ADARB2: variants seen among roughly 807,000 people sequenced by gnomAD.
ADARB2 encodes the protein adenosine deaminase RNA specific B2 (inactive), also known as inactive double-stranded RNA-specific editase B2.
A neutral mutation model predicts 62.2 loss-of-function variants in ADARB2; 25 were observed. The ratio of observed to expected loss-of-function variants is 0.40; its 90% CI spans 0.29 to 0.56. The LOEUF (loss-of-function observed/expected upper bound fraction) is 0.56. Among genes scored for constraint, ADARB2 ranks in the 20% least tolerant of loss-of-function variants. The pLI, the probability that ADARB2 is intolerant of heterozygous loss-of-function variation, is 0.43. For missense variants in ADARB2, 1,071 were observed against 1,077.4 expected, an observed-to-expected ratio of 0.99 and a Z score of 0.08; for synonymous variants, 572 against 500.8, an observed-to-expected ratio of 1.14 and a Z score of -1.90.
chr10:1,508,134 G>T (rs541591633), intron 1 of ADARB2, among the ~76,000 whole-genome samples: 1 of 152,120 alleles, frequency 6.6e-6, no homozygotes, highest in Non-Finnish European at 1.5e-5. Flanking sequence ...AGCAGCACAC[G>T]GCCAGCGAGA....
chr10:1,188,033 G>A (rs1172318118), intron 8 of ADARB2: 1 of 169,238 alleles, frequency 5.9e-6, no homozygotes. Flanking sequence ...CAATATCCAA[G>A]CCTGTCCATG....
intron 6 of ADARB2, among the ~76,000 whole-genome samples, chr10:1,227,930 T>TTGATGA (rs578216860): frequency 6.6e-6 from 1 of 152,172 alleles, no homozygotes; most frequent in East Asian, 1.9e-4. Flanking sequence ...CCATATTTGA[T>TTGATGA]TGATGATGAT....
At chr10:1,216,280 G>C (rs1194483176) in intron 7 of ADARB2, 1 of 151,906 alleles carries the variant, frequency 6.6e-6, no homozygotes, top group East Asian at 1.9e-4. Flanking sequence ...GCCAAGGTAG[G>C]GGGAGGTCTC....
intron 1 of ADARB2, among the ~76,000 whole-genome samples, chr10:1,442,225 G>A (rs1387673480): frequency 6.6e-6 from 1 of 152,164 alleles, no homozygotes; most frequent in Non-Finnish European, 1.5e-5. Context: ...AACCCCTTCT[G>A]GGGAAGATCA....
At position 1,278,021 on chromosome 10, in the gene ADARB2, C is replaced by T. The variant is rs111795792; in HGVS notation, c.1078-6952G>A. On this transcript the variant is annotated intron_variant, in intron 3 of 9. Transcript: ENST00000381312. ...GTCTAGTTCTGTCACCCAGGCTGGA[C>T]CTCAGTGGCATGATCTCGGCTCACT... 2.9e-3 allele frequency among the ~76,000 whole-genome samples: 440 copies of T among 151,960 alleles called. 1 individual carries two copies. Among genetic ancestry groups the T allele is most frequent in the African/African-American group, 9.7e-3 (403 of 41,448 alleles).
intron 1 of ADARB2, among the ~76,000 whole-genome samples, chr10:1,712,833 T>C (rs963123906): frequency 6.6e-6 from 1 of 151,932 alleles, no homozygotes; most frequent in Admixed American, 6.6e-5. Flanking sequence ...ATGGTCTTAA[T>C]CTCCTGACCT....
intron 1 of ADARB2, among the ~76,000 whole-genome samples, chr10:1,384,756 A>G (rs968208060): frequency 4.6e-5 from 7 of 152,178 alleles, no homozygotes; most frequent in African/African-American, 1.7e-4. Flanking sequence ...CACTGCTGAG[A>G]CAACTAGAAT....
chr10:1,555,465 A>G (rs1687472062), intron 1 of ADARB2, among the ~76,000 whole-genome samples: 2 of 152,192 alleles, frequency 1.3e-5, no homozygotes, highest in African/African-American at 4.8e-5. Context: ...AGTGGGGGCT[A>G]ATGAAGTTTC....
intron 1 of ADARB2, among the ~76,000 whole-genome samples, chr10:1,582,968 G>T (rs1217771004): frequency 6.6e-6 from 1 of 152,234 alleles, no homozygotes; most frequent in Admixed American, 6.5e-5. Context: ...CCTCCCTGGT[G>T]CATGGGCTGA....
chr10:1,549,951 G>T (rs1348557657), intron 1 of ADARB2, among the ~76,000 whole-genome samples: 1 of 152,156 alleles, frequency 6.6e-6, no homozygotes, highest in Non-Finnish European at 1.5e-5. Flanking sequence ...CTGTTAATAT[G>T]CAATACAAGC....
intron 1 of ADARB2, among the ~76,000 whole-genome samples, chr10:1,649,156 T>C (rs998667090): frequency 4.5e-4 from 68 of 152,216 alleles, no homozygotes; most frequent in African/African-American, 1.5e-3. Flanking sequence ...TTTCCATTTA[T>C]GTTTGGTTGG....
At chr10:1,473,063 T>C (rs1831347575) in intron 1 of ADARB2, among the ~76,000 whole-genome samples, 1 of 152,104 alleles carries the variant, frequency 6.6e-6, no homozygotes, top group Non-Finnish European at 1.5e-5. Flanking sequence ...CGAAGAATCA[T>C]GGGGGAAGGA....
chr10:1,730,033 T>C (rs1271264201), intron 1 of ADARB2, among the ~76,000 whole-genome samples: 1 of 152,210 alleles, frequency 6.6e-6, no homozygotes, highest in Non-Finnish European at 1.5e-5. Context: ...TTCTTTCCAT[T>C]ATGTGCAAAT....
At chr10:1,557,340 C>A (rs761879326) in intron 1 of ADARB2, among the ~76,000 whole-genome samples, 2 of 152,124 alleles carry the variant, frequency 1.3e-5, no homozygotes, top group Non-Finnish European at 2.9e-5. Context: ...GACCTTGACC[C>A]TGGCAGCTCC....
chr10:1,526,897 C>G (rs775021593), intron 1 of ADARB2: 1 of 476,246 alleles, frequency 2.1e-6, no homozygotes, highest in East Asian at 6.3e-5. Context: ...CAGTTCCCCA[C>G]AGGTGAGTCC....
Position 1,243,294 on chromosome 10 carries a change from C to T in ADARB2, c.1193-995G>A, listed in dbSNP as rs532586857. Among the ~76,000 whole-genome samples, 15 of 152,360 alleles carry T rather than the reference C, an allele frequency of 9.8e-5. No individual in the cohort carries two copies. The East Asian group carries it at 2.5e-3, about 25-fold the overall frequency. ...GCACGGAGACGCGTTAGCCGCTGACCGCGGCCACGTCCACAGAGTTACCTG... is the reference window on the plus strand; with the variant it reads ...GCACGGAGACGCGTTAGCCGCTGACTGCGGCCACGTCCACAGAGTTACCTG... On this transcript the variant is annotated intron_variant, in intron 4 of 9. Transcript: ENST00000381312.
chr10:1,586,786 A>T (rs568829519), intron 1 of ADARB2, among the ~76,000 whole-genome samples: 1 of 152,348 alleles, frequency 6.6e-6, no homozygotes, highest in Admixed American at 6.5e-5. Flanking sequence ...GTGTTGCACA[A>T]GTGTGATTTC....
rs533497484 is a variant in ADARB2 at position 1,721,074 on chromosome 10, G to A, written c.100+15977C>T. Among the ~76,000 whole-genome samples the A allele has an allele frequency of 5.9e-5, 9 of 152,300 alleles. No individual in the cohort carries two copies. In the East Asian group the frequency reaches 7.7e-4, roughly 13 times the overall value. ...ATAACTGAAAACAAGGCCAGCACTCGCTTGAAGGAAATGCAGGAAGAGATT... is the reference window on the plus strand; with the variant it reads ...ATAACTGAAAACAAGGCCAGCACTCACTTGAAGGAAATGCAGGAAGAGATT... On this transcript the variant is annotated intron_variant, in intron 1 of 9. Transcript: ENST00000381312.
intron 3 of ADARB2, among the ~76,000 whole-genome samples, chr10:1,286,166 C>T (rs1464633959): frequency 1.3e-5 from 2 of 152,260 alleles, no homozygotes; most frequent in East Asian, 3.9e-4. Flanking sequence ...GGCCAGAGTC[C>T]ACATGGAGGT....
Sources: allele counts gnomAD v4.1 joint callset (sites outside exome capture counted in the v4.1 genomes callset), GRCh38; gene constraint gnomAD v4.1.1; transcripts MANE v1.5; gene names NCBI Gene and HGNC (gene_info 2026-07-23, HGNC 2026-07-21).